HERC5: variants seen among roughly 807,000 people sequenced by gnomAD.
HERC5 encodes HECT and RLD domain containing E3 ubiquitin protein ligase 5.
A neutral mutation model predicts 119.6 loss-of-function variants in HERC5; 99 were observed. That is an observed-to-expected ratio of 0.83 (90% confidence interval 0.70 to 0.98). The LOEUF (loss-of-function observed/expected upper bound fraction) is 0.98. Among genes scored for constraint, HERC5 ranks in the 50% least tolerant of loss-of-function variants. The pLI is 0.00. For synonymous variants in HERC5, 478 were observed against 445.9 expected (o/e 1.07, Z -0.91); for missense variants, 1,267 against 1,241.3 (o/e 1.02, Z -0.31).
intron 9 of HERC5, among the ~76,000 whole-genome samples, chr4:88,470,082 T>C (rs1014487810): frequency 6.6e-6 from 1 of 152,238 alleles, no homozygotes; most frequent in Non-Finnish European, 1.5e-5. Flanking sequence ...AAACATCATC[T>C]TTTAGAAATA....
chr4:88,457,388 C>T lies in HERC5; in HGVS notation c.119C>T (p.Ala40Val). ...CAGCTCTGGCTCTTTCCCAGCGCCG[C>T]GGGCCTCCACCGCGCGCTGCTCCGG... ...GAQLWLFPSAAGLHRALLRRV... is the reference protein window; with the variant it reads ...GAQLWLFPSAVGLHRALLRRV... Residue 40 changes from alanine (A) to valine (V), a missense_variant, in exon 1 of 23, where the codon GCG becomes GTG. Transcript: ENST00000264350. 7.1e-7 allele frequency: 1 copy of T among 1,403,358 alleles called. No homozygotes were observed. Among genetic ancestry groups the T allele is most frequent in the Non-Finnish European group, 9.3e-7 (1 of 1,079,846 alleles). 86.9% of individuals were successfully genotyped at this position (1,403,358 alleles called of 1,614,324 possible). A position where few individuals can be genotyped will look rare whatever the true frequency, so the allele number is the denominator to read the frequency against.
intron 8 of HERC5, among the ~76,000 whole-genome samples, chr4:88,468,760 C>A (rs1003357034): frequency 6.6e-6 from 1 of 152,118 alleles, no homozygotes; most frequent in Non-Finnish European, 1.5e-5. Context: ...AGAAAGACAC[C>A]AAGGTTCATG....
rs1742052043 is a variant in HERC5, at chr4:88,504,590, AT to A, written c.2864del (p.Phe955SerfsTer13). Reference sequence around the variant, plus strand: ...AATTGACTCTGGAAGAAAAGAAAAAATTCCTTGGTAAGTATTATATCAAGGA... The same window carrying A: ...AATTGACTCTGGAAGAAAAGAAAAAATCCTTGGTAAGTATTATATCAAGGA... ...HKLTLEEKKK[F>X]LVFLTGTDRL... On this transcript the variant is annotated frameshift_variant, in exon 22 of 23. Transcript: ENST00000264350. LOFTEE classifies it low-confidence loss of function (END_TRUNC). The A allele has an allele frequency of 6.5e-7, 1 of 1,547,460 alleles. No individual in the cohort carries two copies. Among genetic ancestry groups the A allele is most frequent in the Admixed American group, 2.1e-5 (1 of 46,576 alleles).
intron 1 of HERC5, chr4:88,457,858 T>A (rs956350315): frequency 4.0e-6 from 4 of 1,001,618 alleles, no homozygotes; most frequent in Non-Finnish European, 4.9e-6. Flanking sequence ...TGTACCCCCG[T>A]CCCCCGCCCG....
chr4:88,482,096 G>C (rs1741297210), intron 13 of HERC5, among the ~76,000 whole-genome samples: 1 of 151,882 alleles, frequency 6.6e-6, no homozygotes, highest in African/African-American at 2.4e-5. Flanking sequence ...CAGATCACAA[G>C]GTTAGGAGTT....
chr4:88,502,842 T>A (rs927707707), intron 20 of HERC5, among the ~76,000 whole-genome samples: 2 of 152,128 alleles, frequency 1.3e-5, no homozygotes, highest in African/African-American at 2.4e-5. Flanking sequence ...TTATTCCTCA[T>A]CTTTAGTCTA....
chr4:88,462,732 C>T (rs768926766), intron 4 of HERC5, among the ~76,000 whole-genome samples: 1 of 152,178 alleles, frequency 6.6e-6, no homozygotes, highest in African/African-American at 2.4e-5. Flanking sequence ...AAAGCCTTTG[C>T]ACTTAAAGTC....
chr4:88,462,564 G>T (rs1374881125), intron 4 of HERC5, among the ~76,000 whole-genome samples: 1 of 152,210 alleles, frequency 6.6e-6, no homozygotes, highest in Non-Finnish European at 1.5e-5. Flanking sequence ...TCAGGGCTGT[G>T]TGTGAGACGG....
chr4:88,504,367 G>C lies in HERC5; in HGVS notation c.2718G>C (p.Lys906Asn). The change falls in exon 21 of 23, where the codon AAG becomes AAC. Residue 906 changes from lysine (K) to asparagine (N), a missense_variant. Lys to Asn is a moderately conservative substitution (Grantham distance 94). This residue lies in a region of HERC5 where 473 missense variants were observed against 445.7 expected (regional missense o/e 1.06). Transcript: ENST00000264350. Reference protein sequence around the residue: ...IIKLFHPEELKDVIVGNTDYD... With the variant: ...IIKLFHPEELNDVIVGNTDYD... ...AATTATTCCACCCCGAAGAACTGAA[G>C]GATGTGATTGTTGGAAATACAGATT... 1 of 1,610,942 alleles carries C rather than the reference G, an allele frequency of 6.2e-7. No individual in the cohort carries two copies. Among genetic ancestry groups the C allele is most frequent in the Non-Finnish European group, 8.5e-7 (1 of 1,177,786 alleles).
chr4:88,486,345 TCCTC>T, intron 14 of HERC5, 117 bp downstream of exon 14: 1 of 579,614 alleles, frequency 1.7e-6, no homozygotes, highest in Non-Finnish European at 3.0e-6. Context: ...ACATTAAGAC[TCCTC>T]AAAATCTATG....
rs1286833248 is a variant in HERC5 at position 88,475,857 on chromosome 4, A to G, written c.1409A>G (p.Lys470Arg). 8 of 1,614,008 alleles carry G rather than the reference A, an allele frequency of 5.0e-6. No individual in the cohort carries two copies. Among genetic ancestry groups the G allele is most frequent in the Non-Finnish European group, 5.9e-6 (7 of 1,179,988 alleles). The change falls in exon 12 of 23, where the codon AAA becomes AGA. Residue 470 changes from lysine to arginine, a missense_variant. Around this residue, in one of 3 missense-constraint regions of HERC5, gnomAD observed 777 missense variants for 758.0 expected, o/e 1.03. Transcript: ENST00000264350. Reference sequence around the variant, plus strand: ...TGACCACAGATAACCACCTGCCTCAAAGATAATCTGCTCAAAAGACTTCCA... The same window carrying G: ...TGACCACAGATAACCACCTGCCTCAGAGATAATCTGCTCAAAAGACTTCCA... ...WITNMITTCL[K>R]DNLLKRLPFH...
intron 20 of HERC5, among the ~76,000 whole-genome samples, chr4:88,503,865 G>A (rs917921168): frequency 7.2e-5 from 11 of 152,096 alleles, no homozygotes; most frequent in Non-Finnish European, 1.5e-4. Context: ...AGGAGTTTGA[G>A]AGCAGCCTGG....
rs1377157735 is a variant in HERC5 at position 88,457,364 on chromosome 4, A to G, written c.95A>G (p.Gln32Arg). 7.0e-6 allele frequency: 10 copies of G among 1,421,806 alleles called. No individual in the cohort carries two copies. The highest frequency in any genetic ancestry group is 9.2e-6 in the Non-Finnish European group (10 of 1,088,500). 88.1% of individuals were successfully genotyped at this position (1,421,806 alleles called of 1,614,324 possible). A position where few individuals can be genotyped will look rare whatever the true frequency, so the allele number is the denominator to read the frequency against. ...CAGCCCGCGAAGTCTCCGGGCGCACAGCTCTGGCTCTTTCCCAGCGCCGCG... is the reference window on the plus strand; with the variant it reads ...CAGCCCGCGAAGTCTCCGGGCGCACGGCTCTGGCTCTTTCCCAGCGCCGCG... ...ATQPAKSPGA[Q>R]LWLFPSAAGL... The change falls in exon 1 of 23, where the codon CAG becomes CGG. Residue 32 changes from glutamine (Q) to arginine (R), a missense_variant. Gln to Arg is a conservative substitution (Grantham distance 43, BLOSUM62 1). This residue lies in a region of HERC5 where 777 missense variants were observed against 758.0 expected (regional missense o/e 1.03). Transcript: ENST00000264350.
At chr4:88,470,515 T>A in intron 9 of HERC5, 99 bp from the exon 10 acceptor site, 1 of 669,396 alleles carries the variant, frequency 1.5e-6, no homozygotes, top group Non-Finnish European at 2.7e-6. Context: ...AGGATAGTTA[T>A]AAGATGTGGT....
In HERC5 at chr4:88,505,908, G is replaced by T. The variant is rs76603756; in HGVS notation, c.*30G>T. ...CTTGCTTGTCCAACAGCCTTATTTT[G>T]TTGTTGTTATCGTTGTTGTTGTTGT... On this transcript the variant is annotated 3_prime_UTR_variant, in exon 23 of 23. Transcript: ENST00000264350. 3 of 1,532,578 alleles carry T rather than the reference G, an allele frequency of 2.0e-6. No individual in the cohort carries two copies. Among genetic ancestry groups the T allele is most frequent in the Admixed American group, 3.6e-5 (2 of 55,560 alleles). The allele number at this position is 1,532,578 out of a possible 1,614,324, so 94.9% of individuals were successfully genotyped here.
chr4:88,472,010 T>C (rs993355949), intron 10 of HERC5, among the ~76,000 whole-genome samples: 1 of 151,294 alleles, frequency 6.6e-6, no homozygotes, highest in African/African-American at 2.4e-5. Flanking sequence ...TTCTTTCTTT[T>C]TCTGAGGCAG....
chr4:88,501,123 G>T, intron 20 of HERC5, 138 bp downstream of exon 20: 1 of 602,648 alleles, frequency 1.7e-6, no homozygotes, highest in Non-Finnish European at 2.9e-6. Context: ...GGTGTGTGTT[G>T]TATGTGTTTT....
At chr4:88,504,440 TAA>T (rs751834219) in intron 21 of HERC5, 25 bp downstream of exon 21, 1 of 1,567,488 alleles carries the variant, frequency 6.4e-7, no homozygotes, top group Admixed American at 1.9e-5. Flanking sequence ...CTAAGTTGAT[TAA>T]ATTCAGTTTT....
Position 88,459,958 on chromosome 4 carries a change from G to A in HERC5, c.390-137G>A, listed in dbSNP as rs576745542. On this transcript the variant is annotated intron_variant, in intron 2 of 22. Coordinates refer to ENST00000264350, the MANE Select transcript of HERC5 (RefSeq NM_016323.4). ...ACATAGTATTTAAAAAATAATTTTA[G>A]ATGTACTGAATGTGATGCAGTAAAT... 2.7e-5 allele frequency: 14 copies of A among 514,168 alleles called. No individual in the cohort carries two copies. In the East Asian group the frequency reaches 4.1e-4, roughly 15 times the overall value. 31.9% of individuals were successfully genotyped at this position (514,168 alleles called of 1,614,324 possible).
Sources: gnomAD v4.1 joint callset for allele counts (sites outside exome capture counted in the v4.1 genomes callset) on GRCh38, gnomAD v4.1.1 for gene constraint, gnomAD v4.1.1 regional missense constraint, MANE v1.5 for transcripts, NCBI Gene and HGNC (gene_info 2026-07-23, HGNC 2026-07-21) for gene names.